Variants in ERI3 observed in about 807,000 individuals in gnomAD.
ERI3 encodes ERI1 exoribonuclease family member 3.
Under a neutral mutation model 44.4 loss-of-function variants are expected in ERI3, and 18 were observed. That is an observed-to-expected ratio of 0.41 (90% CI 0.28 to 0.60). The LOEUF (loss-of-function observed/expected upper bound fraction) is 0.60. Among genes scored for constraint, ERI3 ranks in the 20% least tolerant of loss-of-function variants. The pLI is 0.36. For missense variants in ERI3, 294 were observed against 435.5 expected (o/e 0.68, Z 2.89); for synonymous variants, 183 against 164.8 (o/e 1.11, Z -0.84).
intron 2 of ERI3, among the ~76,000 whole-genome samples, chr1:44,342,815 ATAT>A (rs1646684101): frequency 1.2e-3 from 11 of 9,088 alleles, no homozygotes; most frequent in African/African-American, 3.5e-3. Flanking sequence ...TCCAGCTAAT[ATAT>A]ATATATATAT....
intron 1 of ERI3, chr1:44,353,670 G>A: frequency 1.0e-6 from 1 of 985,392 alleles, no homozygotes; most frequent in Non-Finnish European, 1.2e-6. Context: ...GGGAATAAAA[G>A]CACTTTTATT....
In ERI3 at chr1:44,298,712, C is replaced by T. The variant is rs1476193194; in HGVS notation, c.758+9598G>A. 3.9e-5 allele frequency among the ~76,000 whole-genome samples: 6 copies of T among 151,954 alleles called. 1 individual carries two copies. In the South Asian group the frequency reaches 6.2e-4, roughly 16 times the overall value. ...GGCAGACTGCTTGAGCTCAGGAGTT[C>T]GAGACCAGCCTGGGCTACATGGCAA... On this transcript the variant is annotated intron_variant, in intron 6 of 8. Transcript: ENST00000372257.
intron 8 of ERI3, among the ~76,000 whole-genome samples, chr1:44,238,466 G>C (rs1436802250): frequency 6.6e-6 from 1 of 152,096 alleles, no homozygotes; most frequent in Non-Finnish European, 1.5e-5. Context: ...ACCAATCACC[G>C]GCTCCTTTCG....
intron 6 of ERI3, 56 bp downstream of exon 6, chr1:44,308,254 G>C: frequency 7.6e-7 from 1 of 1,309,250 alleles, no homozygotes; most frequent in Non-Finnish European, 1.1e-6. Context: ...CAAAAGGCCA[G>C]ACCTGGTCCC....
chr1:44,312,982 G>C (rs1300030650), intron 5 of ERI3, among the ~76,000 whole-genome samples, 187 bp downstream of exon 5: 2 of 152,234 alleles, frequency 1.3e-5, no homozygotes, highest in Non-Finnish European at 2.9e-5. Context: ...AACCCTGACG[G>C]GAACAGCTGG....
chr1:44,298,162 G>A (rs1204732224), intron 6 of ERI3, among the ~76,000 whole-genome samples: 1 of 152,242 alleles, frequency 6.6e-6, no homozygotes, highest in East Asian at 1.9e-4. Context: ...ATTCACTGCT[G>A]TATCCTTAAT....
chr1:44,340,011 G>A (rs1282909619), intron 2 of ERI3, among the ~76,000 whole-genome samples: 2 of 152,188 alleles, frequency 1.3e-5, no homozygotes, highest in Admixed American at 1.3e-4. Context: ...CTTCTCATTT[G>A]CTGCCTTAGA....
In ERI3 at chr1:44,226,337, A is replaced by G. The variant is rs1199308527; in HGVS notation, c.932-4697T>C. On this transcript the variant is annotated intron_variant, in intron 8 of 8. Coordinates refer to ENST00000372257, the MANE Select transcript of ERI3 (RefSeq NM_024066.3). Reference sequence around the variant, plus strand: ...TGTTAATATTCTGAGAATGATGGACATTGACATGTTTAAGGAGGGGAATGA... The same window carrying G: ...TGTTAATATTCTGAGAATGATGGACGTTGACATGTTTAAGGAGGGGAATGA... Among the ~76,000 whole-genome samples, 3 of 152,166 alleles carry G rather than the reference A, an allele frequency of 2.0e-5. No homozygotes were observed. The East Asian group carries it at 5.8e-4, about 29-fold the overall frequency.
In ERI3 at chr1:44,355,152, G is replaced by C; in HGVS notation, c.-126C>G. ...GCGGGCGCGGCCCGCGCCGACTGCG[G>C]CGCCGGCCAGGCAGAGGCAGGGCCA... On this transcript the variant is annotated 5_prime_UTR_variant, in exon 1 of 9. Transcript: ENST00000372257. The C allele has an allele frequency of 8.2e-7, 1 of 1,216,702 alleles. No individual in the cohort carries two copies. The highest frequency in any genetic ancestry group is 1.0e-6 in the Non-Finnish European group (1 of 975,440). 75.4% of individuals were successfully genotyped at this position (1,216,702 alleles called of 1,614,324 possible).
At chr1:44,309,408 T>C (rs1185724498) in intron 5 of ERI3, among the ~76,000 whole-genome samples, 1 of 151,880 alleles carries the variant, frequency 6.6e-6, no homozygotes, top group Non-Finnish European at 1.5e-5. Flanking sequence ...GGCAGAAGAA[T>C]TGCTTGGGCC....
intron 3 of ERI3, among the ~76,000 whole-genome samples, chr1:44,331,503 T>C (rs1437966726): frequency 6.6e-6 from 1 of 152,156 alleles, no homozygotes; most frequent in Non-Finnish European, 1.5e-5. Context: ...CCCACACCCC[T>C]TTTACCCACA....
chr1:44,279,412 G>C (rs1000666479), intron 7 of ERI3, among the ~76,000 whole-genome samples: 3 of 152,062 alleles, frequency 2.0e-5, no homozygotes, highest in Admixed American at 6.6e-5. Flanking sequence ...TTTTTGTAGA[G>C]ATGAGGTCTC....
At chr1:44,313,761 A>T (rs1171813884) in intron 4 of ERI3, among the ~76,000 whole-genome samples, 1 of 152,078 alleles carries the variant, frequency 6.6e-6, no homozygotes, top group Non-Finnish European at 1.5e-5. Context: ...AACATCCATG[A>T]AGTCCCACAG....
At chr1:44,300,544 C>T (rs978216621) in intron 6 of ERI3, among the ~76,000 whole-genome samples, 5 of 152,174 alleles carry the variant, frequency 3.3e-5, no homozygotes, top group East Asian at 3.9e-4. Context: ...TGGGGTGAGA[C>T]GCCTGTTGAC....
chr1:44,305,574 G>T (rs993472355), intron 6 of ERI3, among the ~76,000 whole-genome samples: 1 of 152,166 alleles, frequency 6.6e-6, no homozygotes, highest in South Asian at 2.1e-4. Context: ...CAAAGCCCAC[G>T]TAAACTTGGA....
chr1:44,247,245 T>A (rs1441581753), intron 8 of ERI3, among the ~76,000 whole-genome samples: 1 of 152,128 alleles, frequency 6.6e-6, no homozygotes, highest in African/African-American at 2.4e-5. Flanking sequence ...GTCACACATA[T>A]GCAGACACAC....
At chr1:44,298,725 G>T (rs1645661758) in intron 6 of ERI3, among the ~76,000 whole-genome samples, 1 of 152,014 alleles carries the variant, frequency 6.6e-6, no homozygotes, top group Non-Finnish European at 1.5e-5. Flanking sequence ...GACCAGCCTG[G>T]GCTACATGGC....
rs1193315211 is a variant in ERI3 at position 44,228,993 on chromosome 1, AGAG to A, written c.932-7356_932-7354del. 6.6e-6 allele frequency among the ~76,000 whole-genome samples: 1 copy of A among 152,188 alleles called. No individual in the cohort carries two copies. The highest frequency in any genetic ancestry group is 2.4e-5 in the African/African-American group (1 of 41,436). On this transcript the variant is annotated intron_variant, in intron 8 of 8. Coordinates refer to ENST00000372257, the MANE Select transcript of ERI3 (RefSeq NM_024066.3). The surrounding 1 kb of genome is among the most constrained non-coding windows in gnomAD (Gnocchi z 4.3). ...CGTTGGGCAGCCAGGGAGGTCCACAAGAGGAGGTGGAGGGTGAATCCCACCTGC... is the reference window on the plus strand; with the variant it reads ...CGTTGGGCAGCCAGGGAGGTCCACAAGAGGTGGAGGGTGAATCCCACCTGC...
At chr1:44,341,749 G>A (rs188204755) in intron 2 of ERI3, among the ~76,000 whole-genome samples, 3 of 152,142 alleles carry the variant, frequency 2.0e-5, no homozygotes, top group Admixed American at 1.3e-4. Context: ...AATTAGCCAG[G>A]CGGGGTGCTG....
Sources: allele counts gnomAD v4.1 joint callset (sites outside exome capture counted in the v4.1 genomes callset), GRCh38; gene constraint gnomAD v4.1.1; non-coding constraint Gnocchi (gnomAD v3.1); transcripts MANE v1.5; gene names NCBI Gene and HGNC (gene_info 2026-07-23, HGNC 2026-07-21).